Variants in MAN1C1 observed in about 807,000 individuals in gnomAD.
MAN1C1 encodes mannosyl-oligosaccharide 1,2-alpha-mannosidase IC.
Under a neutral mutation model 71.5 loss-of-function variants are expected in MAN1C1, and 49 were observed. That is an observed-to-expected ratio of 0.69 (90% CI 0.54 to 0.87). The LOEUF (loss-of-function observed/expected upper bound fraction) is 0.87, where lower values mean the gene tolerates loss of function less well. Among genes scored for constraint, MAN1C1 ranks in the 40% least tolerant of loss-of-function variants. The pLI, the probability that MAN1C1 is intolerant of heterozygous loss-of-function variation, is 0.00. For missense variants in MAN1C1, 743 were observed against 835.0 expected, an observed-to-expected ratio of 0.89 and a Z score of 1.36; for synonymous variants, 352 against 343.7, an observed-to-expected ratio of 1.02 and a Z score of -0.27.
In MAN1C1 at chr1:25,753,626, C is replaced by T. The variant is rs752340676; in HGVS notation, c.929+48C>T. 6.4e-7 allele frequency: 1 copy of T among 1,555,050 alleles called. No homozygotes were observed. Among genetic ancestry groups the T allele is most frequent in the South Asian group, 1.1e-5 (1 of 88,056 alleles). ...ACTGGGGCTTTACTGCGACCATGCCCACCATTTGTGTTTTGTCTGGGTGGT... is the reference window on the plus strand; with the variant it reads ...ACTGGGGCTTTACTGCGACCATGCCTACCATTTGTGTTTTGTCTGGGTGGT... On this transcript the variant is annotated intron_variant, in intron 5 of 11. Transcript: ENST00000374332. The surrounding 1 kb of genome is among the most constrained non-coding windows in gnomAD (Gnocchi z 4.9).
At chr1:25,765,133 C>T (rs2047411301) in intron 7 of MAN1C1, among the ~76,000 whole-genome samples, 1 of 152,220 alleles carries the variant, frequency 6.6e-6, no homozygotes, top group Non-Finnish European at 1.5e-5. Flanking sequence ...GGTCTCTGTT[C>T]AGAGACTTGT....
At chr1:25,762,481 G>A (rs2047374885) in intron 6 of MAN1C1, among the ~76,000 whole-genome samples, 1 of 149,838 alleles carries the variant, frequency 6.7e-6, no homozygotes, top group Admixed American at 6.7e-5. Context: ...AGGCTGGAGT[G>A]CAAAGGCGCC....
chr1:25,734,316 A>G (rs555860489), intron 2 of MAN1C1, among the ~76,000 whole-genome samples: 2 of 152,034 alleles, frequency 1.3e-5, no homozygotes, highest in South Asian at 4.2e-4. Flanking sequence ...TTTAGTAGAG[A>G]TGGGGTTTCA....
intron 1 of MAN1C1, among the ~76,000 whole-genome samples, chr1:25,663,055 C>T (rs1031353964): frequency 3.3e-5 from 5 of 150,680 alleles, no homozygotes; most frequent in Non-Finnish European, 7.4e-5. Context: ...CATGCCACTG[C>T]ACTCCAGCCT....
At chr1:25,768,449 AT>A (rs2124392545) in intron 7 of MAN1C1, among the ~76,000 whole-genome samples, 6 of 116,086 alleles carry the variant, frequency 5.2e-5, no homozygotes, top group African/African-American at 6.8e-5. Context: ...CCTCACACAC[AT>A]CCACACTCCC....
chr1:25,730,927 T>C lies in MAN1C1; in HGVS notation c.638-15741T>C, dbSNP rs1351057170. On this transcript the variant is annotated intron_variant, in intron 2 of 11. Coordinates refer to ENST00000374332, the MANE Select transcript of MAN1C1 (RefSeq NM_020379.4). The surrounding 1 kb of genome is among the most constrained non-coding windows in gnomAD (Gnocchi z 4.3). The stretch of plus-strand genomic sequence containing the variant: ...TCGCTGCTGGCTCAGAGAGGTTAAG[T>C]CATTTGGCTGTGGTCACAGGCTGGT... Among the ~76,000 whole-genome samples the C allele has an allele frequency of 6.6e-6, 1 of 152,098 alleles. No homozygotes were observed.
chr1:25,658,699 C>T (rs899609837), intron 1 of MAN1C1: 17 of 152,174 alleles, frequency 1.1e-4, no homozygotes, highest in African/African-American at 4.1e-4. Flanking sequence ...AAGTGATCTG[C>T]CCTCCTCAGC....
intron 1 of MAN1C1, among the ~76,000 whole-genome samples, chr1:25,678,107 G>C (rs60310940): frequency 6.6e-6 from 1 of 152,044 alleles, no homozygotes; most frequent in Non-Finnish European, 1.5e-5. Flanking sequence ...CCGCTGTTAA[G>C]AATTTGGTAT....
chr1:25,688,527 T>C (rs933472294), intron 2 of MAN1C1, among the ~76,000 whole-genome samples: 4 of 152,200 alleles, frequency 2.6e-5, no homozygotes, highest in African/African-American at 7.2e-5. Flanking sequence ...GAAACACTTC[T>C]GGGAGGGATT....
chr1:25,618,050 G>T lies in MAN1C1; in HGVS notation c.253G>T (p.Ala85Ser). The T allele has an allele frequency of 6.4e-7, 1 of 1,564,726 alleles. No individual in the cohort carries two copies. Among genetic ancestry groups the T allele is most frequent in the East Asian group, 2.4e-5 (1 of 41,224 alleles). The change falls in exon 1 of 12, where the codon GCC becomes TCC. Residue 85 changes from alanine to serine, a missense_variant. By Grantham distance (99) the Ala-to-Ser change is moderately conservative. Transcript: ENST00000374332. ...CGAGCAGGAGCCGCCTCCCAACCCG[G>T]CCCCCGCCGCGCCGGCCCCGGGCGA... The part of the protein sequence containing the change: ...AREQEPPPNP[A>S]PAAPAPGEDD...
At chr1:25,644,518 A>ATATATATTTTTTT (rs61386117) in intron 1 of MAN1C1, 6 of 40,290 alleles carry the variant, frequency 1.5e-4, no homozygotes, top group African/African-American at 9.5e-4. Flanking sequence ...ATATATATAT[A>ATATATATTTTTTT]TTTTTTTTTT....
chr1:25,781,259 T>A, intron 10 of MAN1C1, 147 bp downstream of exon 10: 1 of 850,412 alleles, frequency 1.2e-6, no homozygotes, highest in Non-Finnish European at 1.8e-6. Context: ...AGGGTCAAGG[T>A]GGTGGTTACA....
chr1:25,633,518 G>C (rs118172772), intron 1 of MAN1C1, among the ~76,000 whole-genome samples: 1 of 146,220 alleles, frequency 6.8e-6, no homozygotes, highest in Non-Finnish European at 1.5e-5. Flanking sequence ...TTATCATTAT[G>C]TAATGACCTT....
intron 2 of MAN1C1, among the ~76,000 whole-genome samples, chr1:25,745,527 AAAAG>A (rs536697287): frequency 2.5e-4 from 38 of 152,112 alleles, no homozygotes; most frequent in East Asian, 2.1e-3. Flanking sequence ...AATTTACTTA[AAAAG>A]AAAGAAAGAA....
At chr1:25,684,417 G>A (rs932748315) in intron 1 of MAN1C1, among the ~76,000 whole-genome samples, 14 of 152,236 alleles carry the variant, frequency 9.2e-5, no homozygotes, top group African/African-American at 3.1e-4. Flanking sequence ...CACATGGGAA[G>A]CCACATGTCT....
intron 7 of MAN1C1, among the ~76,000 whole-genome samples, chr1:25,770,984 G>A (rs943713284): frequency 2.0e-5 from 3 of 152,306 alleles, no homozygotes; most frequent in South Asian, 2.1e-4. Flanking sequence ...CGGGCAACCC[G>A]TCTTCCTCCT....
intron 1 of MAN1C1, among the ~76,000 whole-genome samples, chr1:25,646,810 A>G (rs1170880894): frequency 2.0e-5 from 3 of 152,114 alleles, no homozygotes; most frequent in Admixed American, 6.5e-5. Context: ...TTCTTTCTCC[A>G]TTCTTCTGTT....
chr1:25,783,142 T>G (rs1377606897), intron 11 of MAN1C1, among the ~76,000 whole-genome samples: 2 of 152,182 alleles, frequency 1.3e-5, no homozygotes, highest in African/African-American at 4.8e-5. Context: ...TTCCTCACTG[T>G]TCCCCAAAGC....
At chr1:25,710,421 G>A (rs1437548394) in intron 2 of MAN1C1, among the ~76,000 whole-genome samples, 3 of 152,228 alleles carry the variant, frequency 2.0e-5, no homozygotes, top group Non-Finnish European at 2.9e-5. Flanking sequence ...AATGGTAACA[G>A]GCACCAAAGG....
Sources: gnomAD v4.1 joint callset for allele counts (sites outside exome capture counted in the v4.1 genomes callset) on GRCh38, gnomAD v4.1.1 for gene constraint, Gnocchi (gnomAD v3.1) non-coding constraint, MANE v1.5 for transcripts, NCBI Gene and HGNC (gene_info 2026-07-23, HGNC 2026-07-21) for gene names.